LRP1B: variants seen among roughly 807,000 people sequenced by gnomAD.
The protein encoded by LRP1B is LDL receptor related protein 1B.
LRP1B carries 217 observed loss-of-function variants against 556.6 expected under a neutral mutation model. The observed-to-expected ratio is 0.39, with a 90% CI of 0.35 to 0.44. The LOEUF (loss-of-function observed/expected upper bound fraction) is 0.44. Ranked by LOEUF, LRP1B falls within the 20% of genes least tolerant of loss-of-function variation. The pLI is 1.00. For synonymous variants in LRP1B, 2,047 were observed against 1,865.8 expected (o/e 1.10, Z -2.50); for missense variants, 5,053 against 5,620.8 (o/e 0.90, Z 3.23).
intron 1 of LRP1B, among the ~76,000 whole-genome samples, chr2:141,935,453 A>T (rs765570656): frequency 1.3e-4 from 20 of 152,220 alleles, no homozygotes; most frequent in Non-Finnish European, 2.1e-4. Context: ...AAAATTTCTT[A>T]GATGGCCATT....
intron 3 of LRP1B, among the ~76,000 whole-genome samples, chr2:141,383,789 G>C (rs1198071292): frequency 6.6e-6 from 1 of 152,090 alleles, no homozygotes. Flanking sequence ...ATTCATGTGT[G>C]GAATATAAAA....
intron 3 of LRP1B, among the ~76,000 whole-genome samples, chr2:141,378,681 A>G (rs908949869): frequency 3.3e-5 from 5 of 152,218 alleles, no homozygotes; most frequent in Non-Finnish European, 7.3e-5. Context: ...AAAGAAGTAC[A>G]TCAACTGACA....
intron 25 of LRP1B, among the ~76,000 whole-genome samples, chr2:140,871,660 A>G (rs1019760554): frequency 6.6e-6 from 1 of 152,102 alleles, no homozygotes; most frequent in Non-Finnish European, 1.5e-5. Flanking sequence ...TACATTTTGG[A>G]GATTTTTTAT....
intron 1 of LRP1B, among the ~76,000 whole-genome samples, chr2:141,945,539 GTATATA>G (rs10548880): frequency 6.7e-6 from 1 of 148,322 alleles, no homozygotes; most frequent in African/African-American, 2.5e-5. Context: ...ATGTATATAT[GTATATA>G]TATATATATA....
intron 6 of LRP1B, among the ~76,000 whole-genome samples, chr2:141,208,706 A>G (rs1379951455): frequency 6.6e-6 from 1 of 151,838 alleles, no homozygotes; most frequent in African/African-American, 2.4e-5. Flanking sequence ...TCTCTATTAA[A>G]AAAATACAAA....
intron 31 of LRP1B, among the ~76,000 whole-genome samples, chr2:140,820,799 C>T (rs1233836409): frequency 2.0e-5 from 3 of 151,624 alleles, no homozygotes; most frequent in East Asian, 1.9e-4. Context: ...AGATTTGCTA[C>T]GCATATAGAA....
At chr2:141,639,827 G>A (rs1481558716) in intron 2 of LRP1B, among the ~76,000 whole-genome samples, 2 of 152,002 alleles carry the variant, frequency 1.3e-5, no homozygotes, top group Non-Finnish European at 2.9e-5. Context: ...TTTTACACAT[G>A]TGTTTTACGA....
At chr2:140,374,919 A>G (rs968828733) in intron 68 of LRP1B, among the ~76,000 whole-genome samples, 2 of 152,076 alleles carry the variant, frequency 1.3e-5, no homozygotes, top group African/African-American at 4.8e-5. Flanking sequence ...TGTTTGGTAA[A>G]GTAAGGACTC....
intron 84 of LRP1B, among the ~76,000 whole-genome samples, chr2:140,288,334 C>G (rs1032086308): frequency 4.6e-5 from 7 of 151,636 alleles, no homozygotes; most frequent in African/African-American, 1.7e-4. Context: ...AATAGTTAAA[C>G]ATAAAGGTTA....
intron 37 of LRP1B, among the ~76,000 whole-genome samples, chr2:140,707,904 C>G (rs1472884160): frequency 6.6e-6 from 1 of 152,056 alleles, no homozygotes; most frequent in African/African-American, 2.4e-5. Flanking sequence ...AACCAGTCTA[C>G]CCTTGGACAC....
At chr2:141,332,667 T>A (rs142687121) in intron 3 of LRP1B, among the ~76,000 whole-genome samples, 1 of 151,742 alleles carries the variant, frequency 6.6e-6, no homozygotes. Flanking sequence ...CTACTTCTGA[T>A]GAGTATTTCT....
At chr2:140,775,456 T>G (rs1345169085) in intron 33 of LRP1B, among the ~76,000 whole-genome samples, 3 of 142,356 alleles carry the variant, frequency 2.1e-5, no homozygotes, top group Non-Finnish European at 4.5e-5. Context: ...CAGTATATTT[T>G]TTTTTGGTTG....
At chr2:141,365,655 C>CTTTTTTTTTTTTTTTTGGT (rs781538829) in intron 3 of LRP1B, among the ~76,000 whole-genome samples, 7 of 121,136 alleles carry the variant, frequency 5.8e-5, no homozygotes, top group African/African-American at 1.6e-4. Flanking sequence ...GTTTTTGTTG[C>CTTTTTTTTTTTTTTTTGGT]TTTTTTTTTT....
intron 2 of LRP1B, among the ~76,000 whole-genome samples, chr2:141,721,828 A>C (rs955949908): frequency 2.6e-5 from 4 of 152,142 alleles, no homozygotes; most frequent in African/African-American, 4.8e-5. Context: ...ACCAAAATGT[A>C]TATGGCCATC....
chr2:140,870,846 TA>T (rs548266203), intron 25 of LRP1B, among the ~76,000 whole-genome samples: 40 of 152,134 alleles, frequency 2.6e-4, no homozygotes, highest in African/African-American at 7.5e-4. Context: ...CACTTCCTTT[TA>T]AAAAAAATTT....
chr2:142,002,674 A>G (rs145371686), intron 1 of LRP1B, among the ~76,000 whole-genome samples: 19 of 152,168 alleles, frequency 1.2e-4, no homozygotes, highest in South Asian at 4.2e-4. Flanking sequence ...CCTGAGTTCA[A>G]TCAAGAGTCC....
chr2:141,551,218 A>T (rs1055640687), intron 2 of LRP1B, among the ~76,000 whole-genome samples: 7 of 152,000 alleles, frequency 4.6e-5, no homozygotes, highest in Non-Finnish European at 1.0e-4. Flanking sequence ...AAATAAAATA[A>T]TTGTGATAAA....
At chr2:140,583,665 G>A (rs1681870765) in intron 43 of LRP1B, among the ~76,000 whole-genome samples, 1 of 151,870 alleles carries the variant, frequency 6.6e-6, no homozygotes, top group South Asian at 2.1e-4. Flanking sequence ...CAATGTAATT[G>A]TACATTATTA....
intron 1 of LRP1B, among the ~76,000 whole-genome samples, chr2:141,924,413 C>G (rs372467341): frequency 6.6e-6 from 1 of 152,266 alleles, no homozygotes; most frequent in African/African-American, 2.4e-5. Flanking sequence ...ATTGATCCTT[C>G]AAGCCCATGT....
Sources: gnomAD v4.1 joint callset for allele counts (sites outside exome capture counted in the v4.1 genomes callset) on GRCh38, gnomAD v4.1.1 for gene constraint, MANE v1.5 for transcripts, NCBI Gene and HGNC (gene_info 2026-07-23, HGNC 2026-07-21) for gene names.